Variants in SBF2 observed in about 807,000 individuals in gnomAD.
SBF2 encodes the protein myotubularin-related protein 13.
SBF2 carries 112 observed loss-of-function variants against 225.2 expected under a neutral mutation model. The ratio of observed to expected loss-of-function variants is 0.50; its 90% CI spans 0.43 to 0.58. The LOEUF is 0.58. SBF2 is among the 20% of genes least tolerant of loss of function. The pLI, the probability that SBF2 is intolerant of heterozygous loss-of-function variation, is 0.00. For missense variants in SBF2, 1,996 were observed against 2,206.2 expected, an observed-to-expected ratio of 0.90 and a Z score of 1.91; for synonymous variants, 763 against 773.3, an observed-to-expected ratio of 0.99 and a Z score of 0.22.
At chr11:9,790,910 C>T (rs996208325) in intron 33 of SBF2, 7 of 424,406 alleles carry the variant, frequency 1.6e-5, no homozygotes, top group African/African-American at 8.1e-5. Context: ...TAAAGTTTGC[C>T]TAAGCAGCCA....
chr11:10,075,996 G>C (rs1409995836), intron 2 of SBF2, among the ~76,000 whole-genome samples: 1 of 151,964 alleles, frequency 6.6e-6, no homozygotes, highest in Non-Finnish European at 1.5e-5. Flanking sequence ...TTCACATGGT[G>C]AACTTTCATC....
chr11:10,161,663 T>C (rs774612923), intron 2 of SBF2, among the ~76,000 whole-genome samples: 14 of 152,120 alleles, frequency 9.2e-5, no homozygotes, highest in Admixed American at 2.0e-4. Context: ...GTAGGAGTGA[T>C]TGGTACACTT....
intron 14 of SBF2, among the ~76,000 whole-genome samples, chr11:9,965,413 C>T (rs996058034): frequency 6.6e-6 from 1 of 151,748 alleles, no homozygotes; most frequent in African/African-American, 2.4e-5. Flanking sequence ...CTCAGCCTCC[C>T]AAGTAGCTGG....
chr11:10,015,815 T>G (rs1310749873), intron 6 of SBF2, among the ~76,000 whole-genome samples: 1 of 152,178 alleles, frequency 6.6e-6, no homozygotes, highest in Non-Finnish European at 1.5e-5. Flanking sequence ...TCTTTGCTTT[T>G]TTTTTTGAGA....
At chr11:9,935,397 T>C (rs912753660) in intron 16 of SBF2, among the ~76,000 whole-genome samples, 5 of 152,140 alleles carry the variant, frequency 3.3e-5, no homozygotes, top group Non-Finnish European at 2.9e-5. Context: ...ATTTATATAT[T>C]CAATGCCATC....
chr11:10,062,670 T>C (rs573627923), intron 2 of SBF2, among the ~76,000 whole-genome samples: 3 of 152,218 alleles, frequency 2.0e-5, no homozygotes, highest in Non-Finnish European at 2.9e-5. Context: ...AACGGCTATA[T>C]TAAAAATTCA....
At chr11:10,081,370 T>G (rs564041784) in intron 2 of SBF2, among the ~76,000 whole-genome samples, 2 of 151,682 alleles carry the variant, frequency 1.3e-5, no homozygotes, top group South Asian at 2.1e-4. Context: ...CAACAAAAAT[T>G]GAAAAGAATG....
intron 17 of SBF2, among the ~76,000 whole-genome samples, chr11:9,875,549 A>T (rs1422673563): frequency 1.3e-5 from 2 of 152,230 alleles, no homozygotes; most frequent in Non-Finnish European, 2.9e-5. Context: ...TTTGGGATTA[A>T]GTTTCCATAA....
At chr11:9,945,820 T>A (rs535435227) in intron 16 of SBF2, among the ~76,000 whole-genome samples, 7 of 151,790 alleles carry the variant, frequency 4.6e-5, no homozygotes, top group African/African-American at 1.7e-4. Flanking sequence ...GGCCAACAAG[T>A]ATATAAAAAA....
At chr11:10,180,383 A>G (rs1432663738) in intron 2 of SBF2, among the ~76,000 whole-genome samples, 3 of 146,026 alleles carry the variant, frequency 2.1e-5, no homozygotes, top group African/African-American at 8.2e-5. Flanking sequence ...CAGCACTTTA[A>G]GTATATCAGG....
At chr11:10,258,548 T>A (rs1311348540) in intron 1 of SBF2, among the ~76,000 whole-genome samples, 1 of 152,338 alleles carries the variant, frequency 6.6e-6, no homozygotes, top group East Asian at 1.9e-4. Flanking sequence ...AAAAAAAAAT[T>A]TCACATGACC....
At chr11:9,825,993 C>A (rs746136169) in intron 28 of SBF2, among the ~76,000 whole-genome samples, 1 of 151,992 alleles carries the variant, frequency 6.6e-6, no homozygotes, top group Non-Finnish European at 1.5e-5. Context: ...TTTTTTTAAA[C>A]GAAGAATCAC....
chr11:9,999,279 CTGT>C (rs1947841171), intron 8 of SBF2, among the ~76,000 whole-genome samples: 1 of 146,756 alleles, frequency 6.8e-6, no homozygotes, highest in Non-Finnish European at 1.5e-5. Context: ...CCTCCAGTGA[CTGT>C]ATGTATGTAT....
chr11:10,179,592 G>A (rs1474687040), intron 2 of SBF2, among the ~76,000 whole-genome samples: 2 of 151,970 alleles, frequency 1.3e-5, no homozygotes, highest in Non-Finnish European at 2.9e-5. Context: ...TTTCTGTCTC[G>A]ATCTGTCCAA....
intron 2 of SBF2, among the ~76,000 whole-genome samples, chr11:10,121,631 A>G (rs1229538611): frequency 6.6e-6 from 1 of 152,212 alleles, no homozygotes; most frequent in Admixed American, 6.5e-5. Context: ...TTTTAGAAAC[A>G]AAAACAACCA....
chr11:10,007,758 C>T (rs1300221301), intron 6 of SBF2, among the ~76,000 whole-genome samples: 1 of 152,150 alleles, frequency 6.6e-6, no homozygotes, highest in Non-Finnish European at 1.5e-5. Flanking sequence ...CGGAGCCCCT[C>T]CATATCCAGG....
chr11:9,978,240 A>C (rs1946786603), intron 13 of SBF2, among the ~76,000 whole-genome samples: 1 of 152,200 alleles, frequency 6.6e-6, no homozygotes, highest in African/African-American at 2.4e-5. Context: ...TTTTAACTTT[A>C]TAAAGTATTT....
chr11:10,056,935 T>A (rs1950276119), intron 2 of SBF2, among the ~76,000 whole-genome samples: 1 of 152,008 alleles, frequency 6.6e-6, no homozygotes, highest in East Asian at 1.9e-4. Flanking sequence ...ACTGTTTTTT[T>A]AAGCAGTTCC....
intron 2 of SBF2, among the ~76,000 whole-genome samples, chr11:10,150,196 T>C (rs1267539108): frequency 6.6e-6 from 1 of 152,148 alleles, no homozygotes; most frequent in African/African-American, 2.4e-5. Flanking sequence ...AGCCCACAGA[T>C]GGAGAATACT....
Sources: allele counts gnomAD v4.1 joint callset (sites outside exome capture counted in the v4.1 genomes callset), GRCh38; gene constraint gnomAD v4.1.1; transcripts MANE v1.5; gene names NCBI Gene and HGNC (gene_info 2026-07-23, HGNC 2026-07-21).